MBNL1: variants seen among roughly 807,000 people sequenced by gnomAD.
MBNL1 encodes the protein muscleblind like splicing regulator 1, also known as muscleblind-like protein 1.
In MBNL1, 8 loss-of-function variants were observed where a neutral mutation model predicts 42.2. That is an observed-to-expected ratio of 0.19 (90% confidence interval 0.11 to 0.34). MBNL1 has a LOEUF of 0.34. MBNL1 is among the 10% of genes least tolerant of loss of function. The pLI is 1.00. For synonymous variants in MBNL1, 169 were observed against 173.9 expected, an observed-to-expected ratio of 0.97 and a Z score of 0.22; for missense variants, 309 against 495.3, an observed-to-expected ratio of 0.62 and a Z score of 3.57.
At chr3:152,437,996 C>T (rs1225434782) in intron 4 of MBNL1, among the ~76,000 whole-genome samples, 3 of 151,996 alleles carry the variant, frequency 2.0e-5, no homozygotes, top group Non-Finnish European at 4.4e-5. Flanking sequence ...CTGGTCTCAG[C>T]AATTTCTTTC....
At chr3:152,377,657 G>C (rs2096969452) in intron 2 of MBNL1, among the ~76,000 whole-genome samples, 1 of 152,142 alleles carries the variant, frequency 6.6e-6, no homozygotes, top group South Asian at 2.1e-4. Context: ...AACATATTTG[G>C]AGGCCACATT....
chr3:152,250,495 CT>C (rs1232866254), intron 2 of MBNL1, among the ~76,000 whole-genome samples: 5 of 152,116 alleles, frequency 3.3e-5, no homozygotes, highest in Non-Finnish European at 7.4e-5. Context: ...GCTGAAGTTG[CT>C]TATCAGCTTA....
intron 1 of MBNL1, among the ~76,000 whole-genome samples, chr3:152,286,556 T>G (rs1275077300): frequency 6.9e-6 from 1 of 144,680 alleles, no homozygotes; most frequent in Non-Finnish European, 1.5e-5. Flanking sequence ...ATATAAATAT[T>G]TATATTTTAT....
intron 3 of MBNL1, among the ~76,000 whole-genome samples, chr3:152,428,857 T>A (rs1338824160): frequency 6.6e-6 from 1 of 152,242 alleles, no homozygotes; most frequent in Non-Finnish European, 1.5e-5. Context: ...ATCCTAGGCC[T>A]TTGATTCACT....
At chr3:152,448,187 C>T (rs1714237963) in intron 6 of MBNL1, among the ~76,000 whole-genome samples, 1 of 152,006 alleles carries the variant, frequency 6.6e-6, no homozygotes, top group South Asian at 2.1e-4. Flanking sequence ...TATTTTTCAG[C>T]CTTTTTGTTT....
At chr3:152,423,862 G>A (rs928653211) in intron 3 of MBNL1, among the ~76,000 whole-genome samples, 3 of 152,086 alleles carry the variant, frequency 2.0e-5, no homozygotes, top group Admixed American at 6.5e-5. Flanking sequence ...TGCAGAAAAG[G>A]CTTTTAATAA....
At chr3:152,424,760 GA>G (rs1431561469) in intron 3 of MBNL1, among the ~76,000 whole-genome samples, 2 of 152,124 alleles carry the variant, frequency 1.3e-5, no homozygotes, top group Admixed American at 6.5e-5. Context: ...AGAGGCCTCA[GA>G]AATCACACCA....
At chr3:152,389,295 G>A (rs905468636) in intron 2 of MBNL1, among the ~76,000 whole-genome samples, 7 of 152,066 alleles carry the variant, frequency 4.6e-5, no homozygotes, top group Non-Finnish European at 1.0e-4. Context: ...CTCCATGTTG[G>A]TCAGGCTGGT....
At chr3:152,384,052 T>G (rs891905191) in intron 2 of MBNL1, among the ~76,000 whole-genome samples, 1 of 152,136 alleles carries the variant, frequency 6.6e-6, no homozygotes, top group Non-Finnish European at 1.5e-5. Context: ...AACAAACATT[T>G]TAATGTTACT....
At chr3:152,247,442 G>T (rs2033344437) in intron 2 of MBNL1, among the ~76,000 whole-genome samples, 1 of 151,758 alleles carries the variant, frequency 6.6e-6, no homozygotes, top group Non-Finnish European at 1.5e-5. Flanking sequence ...TCATTTTCAT[G>T]ATACATGAAA....
In MBNL1 at chr3:152,366,396, A is replaced by C. The variant is rs573611968; in HGVS notation, c.175-48545A>C. On this transcript the variant is annotated intron_variant, in intron 2 of 9. Coordinates refer to ENST00000324210, the MANE Select transcript of MBNL1 (RefSeq NM_021038.5). ...ACTTAATGTTACTCCATTTCAATCC[A>C]TTTGTCTTCTTATTTTGCTGTGTGA... Among the ~76,000 whole-genome samples, 9 of 152,160 alleles carry C rather than the reference A, an allele frequency of 5.9e-5. No homozygotes were observed. The South Asian group carries it at 1.9e-3, about 32-fold the overall frequency.
chr3:152,349,236 C>A (rs1440843427), intron 2 of MBNL1, among the ~76,000 whole-genome samples: 3 of 152,052 alleles, frequency 2.0e-5, no homozygotes, highest in Non-Finnish European at 4.4e-5. Context: ...TCAGGGATTA[C>A]TGTGTAATTA....
At position 152,336,539 on chromosome 3, in the gene MBNL1, G is replaced by A. The variant is rs749924653; in HGVS notation, c.174+36172G>A. ...TAGGCACTGTCTCTAAGATGAAAAA[G>A]TATTTTTAAAGGAAAATTTAGATTC... is the stretch of plus-strand genomic sequence containing the variant. On this transcript the variant is annotated intron_variant, in intron 2 of 9. Coordinates refer to ENST00000324210, the MANE Select transcript of MBNL1 (RefSeq NM_021038.5). Among the ~76,000 whole-genome samples, 3 of 152,118 alleles carry A rather than the reference G, an allele frequency of 2.0e-5. 1 individual carries two copies. The highest frequency in any genetic ancestry group is 2.9e-5 in the Non-Finnish European group (2 of 68,004).
At chr3:152,388,272 A>G (rs116091774) in intron 2 of MBNL1, among the ~76,000 whole-genome samples, 2,595 of 152,326 alleles carry the variant, frequency 0.017, 37 homozygotes, top group Non-Finnish European at 0.025. Flanking sequence ...GACTGTTCAT[A>G]TAAGCCATAA....
intron 2 of MBNL1, among the ~76,000 whole-genome samples, chr3:152,256,946 G>A (rs1207373266): frequency 6.6e-6 from 1 of 152,140 alleles, no homozygotes; most frequent in African/African-American, 2.4e-5. Flanking sequence ...TGTTGTTGTA[G>A]GAGCCAGAAG....
chr3:152,404,473 A>G (rs916787490), intron 2 of MBNL1, among the ~76,000 whole-genome samples: 11 of 152,164 alleles, frequency 7.2e-5, no homozygotes, highest in African/African-American at 2.7e-4. Context: ...TTGTAGGGAT[A>G]TGTGGGATCT....
At chr3:152,456,729 A>G (rs1354156890) in intron 8 of MBNL1, among the ~76,000 whole-genome samples, 2 of 152,124 alleles carry the variant, frequency 1.3e-5, no homozygotes, top group African/African-American at 2.4e-5. Flanking sequence ...AATATTTGGT[A>G]TATACAGTTT....
At chr3:152,403,612 A>G (rs1438371348) in intron 2 of MBNL1, among the ~76,000 whole-genome samples, 2 of 152,134 alleles carry the variant, frequency 1.3e-5, no homozygotes, top group African/African-American at 4.8e-5. Flanking sequence ...TACTTTAGCT[A>G]TTTGGGGAAC....
intron 2 of MBNL1, chr3:152,340,384 C>A: frequency 2.1e-6 from 2 of 942,014 alleles, no homozygotes; most frequent in South Asian, 3.4e-5. Context: ...ATACTTGCCA[C>A]CTCTGTAAGA....
Sources: gnomAD v4.1 joint callset for allele counts (sites outside exome capture counted in the v4.1 genomes callset) on GRCh38, gnomAD v4.1.1 for gene constraint, MANE v1.5 for transcripts, NCBI Gene and HGNC (gene_info 2026-07-23, HGNC 2026-07-21) for gene names.